Variants in DLC1 observed in about 807,000 individuals in gnomAD.
DLC1 encodes DLC1 Rho GTPase activating protein.
Under a neutral mutation model 140.3 loss-of-function variants are expected in DLC1, and 54 were observed. That is an observed-to-expected ratio of 0.38 (90% CI 0.31 to 0.48). The LOEUF is 0.48. Ranked by LOEUF, DLC1 falls within the 20% of genes least tolerant of loss-of-function variation. The pLI is 0.96. For missense variants in DLC1, 2,536 were observed against 1,907.0 expected (o/e 1.33, Z -6.14); for synonymous variants, 986 against 728.1 (o/e 1.35, Z -5.70).
intron 4 of DLC1, among the ~76,000 whole-genome samples, chr8:13,361,146 C>G (rs77029742): frequency 6.7e-6 from 1 of 150,082 alleles, no homozygotes; most frequent in Non-Finnish European, 1.5e-5. Context: ...GTAGGAGGAT[C>G]ACCTGAGCCA....
intron 2 of DLC1, among the ~76,000 whole-genome samples, chr8:13,453,711 T>C (rs972274057): frequency 2.0e-5 from 3 of 150,918 alleles, no homozygotes; most frequent in Non-Finnish European, 2.9e-5. Context: ...CTAGGTTTTC[T>C]TTTATTCAAC....
At position 13,358,426 on chromosome 8, in the gene DLC1, G is replaced by T. The variant is rs538513285; in HGVS notation, c.1314+35127C>A. On this transcript the variant is annotated intron_variant, in intron 4 of 17. Transcript: ENST00000276297. ...GAGGATGGCCTTTGACTTGCATTTA[G>T]TCCAAAAAAAGTGCTTGATTACTCT... Among the ~76,000 whole-genome samples the T allele has an allele frequency of 7.9e-4, 120 of 152,240 alleles. 1 individual carries two copies. Among genetic ancestry groups the T allele is most frequent in the African/African-American group, 2.8e-3 (118 of 41,548 alleles).
intron 4 of DLC1, among the ~76,000 whole-genome samples, chr8:13,393,327 G>C (rs552220235): frequency 1.6e-4 from 25 of 152,072 alleles, no homozygotes; most frequent in Non-Finnish European, 3.2e-4. Context: ...AGCACGTTTC[G>C]AATAATTCTT....
intron 2 of DLC1, among the ~76,000 whole-genome samples, chr8:13,471,444 T>A (rs1005750291): frequency 7.4e-6 from 1 of 134,716 alleles, no homozygotes; most frequent in Non-Finnish European, 1.5e-5. Context: ...ATTTATGTTG[T>A]GGAAAAAAGA....
chr8:13,327,242 G>A (rs1833400625), intron 4 of DLC1, among the ~76,000 whole-genome samples: 1 of 149,720 alleles, frequency 6.7e-6, no homozygotes, highest in Admixed American at 6.8e-5. Flanking sequence ...CAAAGTGCTG[G>A]GATTACAGGC....
At chr8:13,216,660 G>T (rs1463981122) in intron 5 of DLC1, among the ~76,000 whole-genome samples, 2 of 152,050 alleles carry the variant, frequency 1.3e-5, no homozygotes, top group African/African-American at 4.8e-5. Context: ...CCTTAGCAAT[G>T]GTTTAGCCCA....
intron 1 of DLC1, among the ~76,000 whole-genome samples, chr8:13,564,021 G>C (rs906296771): frequency 6.6e-6 from 1 of 152,124 alleles, no homozygotes; most frequent in Non-Finnish European, 1.5e-5. Flanking sequence ...TGGGAAGTCA[G>C]AATATAGGTA....
At chr8:13,392,872 A>T (rs191759260) in intron 4 of DLC1, among the ~76,000 whole-genome samples, 7 of 152,320 alleles carry the variant, frequency 4.6e-5, no homozygotes, top group Non-Finnish European at 8.8e-5. Flanking sequence ...TTATCATAAT[A>T]ATAATGACAG....
intron 5 of DLC1, among the ~76,000 whole-genome samples, chr8:13,231,963 G>C (rs1359511022): frequency 6.6e-6 from 1 of 152,088 alleles, no homozygotes; most frequent in Non-Finnish European, 1.5e-5. Context: ...TGAAATCCCT[G>C]TTTACCTGCC....
At chr8:13,161,101 G>A (rs538997707) in intron 5 of DLC1, among the ~76,000 whole-genome samples, 1 of 152,146 alleles carries the variant, frequency 6.6e-6, no homozygotes, top group Non-Finnish European at 1.5e-5. Context: ...AGGGAGGTGG[G>A]AGTGGGAGAG....
At chr8:13,244,000 C>T (rs951180854) in intron 5 of DLC1, among the ~76,000 whole-genome samples, 1 of 152,182 alleles carries the variant, frequency 6.6e-6, no homozygotes, top group Non-Finnish European at 1.5e-5. Context: ...TTAGGAAATT[C>T]CTCACCTGGG....
chr8:13,499,610 T>C lies in DLC1; in HGVS notation c.462A>G (p.Ile154Met). 1 of 1,614,200 alleles carries C rather than the reference T, an allele frequency of 6.2e-7. No individual in the cohort carries two copies. Among genetic ancestry groups the C allele is most frequent in the South Asian group, 1.1e-5 (1 of 91,088 alleles). ...AGSLEKALPIIQSNQVSSNSW... is the reference protein window; with the variant it reads ...AGSLEKALPIMQSNQVSSNSW... The stretch of plus-strand genomic sequence containing the variant: ...AGTTAGAAGAAACTTGGTTACTTTG[T>C]ATGATGGGCAGTGCCTTTTCTAAGG... The change falls in exon 2 of 18, where the codon ATA becomes ATG. Residue 154 changes from isoleucine to methionine, a missense_variant. Coordinates refer to ENST00000276297, the MANE Select transcript of DLC1 (RefSeq NM_182643.3).
At chr8:13,150,058 G>T (rs141610335) in intron 5 of DLC1, among the ~76,000 whole-genome samples, 13 of 152,240 alleles carry the variant, frequency 8.5e-5, no homozygotes, top group African/African-American at 2.4e-4. Flanking sequence ...CCATAAAACC[G>T]ACACCACTTG....
chr8:13,563,452 T>G (rs554106933), intron 1 of DLC1, among the ~76,000 whole-genome samples: 4 of 152,120 alleles, frequency 2.6e-5, no homozygotes, highest in Non-Finnish European at 4.4e-5. Flanking sequence ...AAATAATTTT[T>G]AAAAAATCAT....
chr8:13,312,898 C>G (rs945823262), intron 4 of DLC1, among the ~76,000 whole-genome samples: 1 of 152,106 alleles, frequency 6.6e-6, no homozygotes, highest in African/African-American at 2.4e-5. Flanking sequence ...GAGGATGATA[C>G]TCAAGATAAT....
intron 5 of DLC1, among the ~76,000 whole-genome samples, chr8:13,194,237 C>T (rs1183646588): frequency 2.0e-5 from 3 of 152,196 alleles, no homozygotes; most frequent in African/African-American, 7.2e-5. Context: ...CCTCAGGAAA[C>T]TGAGAGGACT....
chr8:13,143,165 T>TA (rs1823140018), intron 5 of DLC1, among the ~76,000 whole-genome samples: 1 of 152,042 alleles, frequency 6.6e-6, no homozygotes, highest in South Asian at 2.1e-4. Flanking sequence ...AGTTAGAACA[T>TA]ACACATTTTC....
chr8:13,088,665 T>C lies in DLC1; in HGVS notation c.4114A>G (p.Ile1372Val). 6.2e-7 allele frequency: 1 copy of C among 1,614,156 alleles called. No homozygotes were observed. ...TCCTCTGGCACAGCAGGGACTTCAA[T>C]GACTGACCTCCAAAGCCTCAGAGGG... is the stretch of plus-strand genomic sequence containing the variant. ...GPPLRLWRSV[I>V]EVPAVPEEIL... The change falls in exon 16 of 18, where the codon ATT (isoleucine) becomes GTT (valine). Residue 1372 changes from isoleucine to valine, a missense_variant. Coordinates refer to ENST00000276297, the MANE Select transcript of DLC1 (RefSeq NM_182643.3).
chr8:13,321,678 T>C (rs975068919), intron 4 of DLC1, among the ~76,000 whole-genome samples: 2 of 151,448 alleles, frequency 1.3e-5, no homozygotes, highest in Non-Finnish European at 2.9e-5. Flanking sequence ...GTCACCATCA[T>C]ACATACCTTG....
Sources: allele counts gnomAD v4.1 joint callset (sites outside exome capture counted in the v4.1 genomes callset), GRCh38; gene constraint gnomAD v4.1.1; transcripts MANE v1.5; gene names NCBI Gene and HGNC (gene_info 2026-07-23, HGNC 2026-07-21).